Variants in ZNF682 observed in about 807,000 individuals in gnomAD.
The protein encoded by ZNF682 is zinc finger protein 682.
A neutral mutation model predicts 36.5 loss-of-function variants in ZNF682; 29 were observed. The ratio of observed to expected loss-of-function variants is 0.80; its 90% CI spans 0.59 to 1.08. The LOEUF (loss-of-function observed/expected upper bound fraction) is 1.08, where lower values mean the gene tolerates loss of function less well. Ranked by LOEUF, ZNF682 falls within the 50% of genes least tolerant of loss-of-function variation. The probability of loss-of-function intolerance (pLI) is 0.00; values close to 1 mark genes in which losing one functional copy is unlikely to be tolerated. For missense variants in ZNF682, 561 were observed against 579.7 expected (o/e 0.97, Z 0.33); for synonymous variants, 180 against 197.0 (o/e 0.91, Z 0.72).
chr19:20,013,953 A>G (rs973494612), intron 3 of ZNF682, among the ~76,000 whole-genome samples: 4 of 152,178 alleles, frequency 2.6e-5, no homozygotes, highest in Non-Finnish European at 5.9e-5. Context: ...AAAATTAGTA[A>G]TAGAAAAAAA....
intron 1 of ZNF682, chr19:20,033,429 C>G (rs1171646871): frequency 6.6e-6 from 1 of 152,426 alleles, no homozygotes; most frequent in Admixed American, 6.5e-5. Flanking sequence ...ACTGCTGCAT[C>G]TGCGCTCCAG....
chr19:19,999,649 C>G (rs1224121302), downstream of ZNF682, among the ~76,000 whole-genome samples: 2 of 152,156 alleles, frequency 1.3e-5, no homozygotes, highest in East Asian at 3.9e-4. Flanking sequence ...ATTCTCCTGC[C>G]TCAGCCTTCT....
downstream of ZNF682, among the ~76,000 whole-genome samples, chr19:19,999,655 C>T (rs1257231752): frequency 2.6e-5 from 4 of 152,130 alleles, no homozygotes; most frequent in East Asian, 7.7e-4. Flanking sequence ...CTGCCTCAGC[C>T]TTCTGAGTAG....
In ZNF682 at chr19:20,025,962, G is replaced by C. The variant is rs2088427739; in HGVS notation, c.4-1586C>G. Among the ~76,000 whole-genome samples the C allele has an allele frequency of 2.0e-5, 3 of 152,180 alleles. No individual in the cohort carries two copies. The South Asian group carries it at 6.2e-4, about 31-fold the overall frequency. On this transcript the variant is annotated intron_variant, in intron 1 of 3. Transcript: ENST00000397165. Reference sequence around the variant, plus strand: ...TATTCTCTTTTCCAGAATATTCTGAGTTATTCTGGGCAATTAGTGACATCC... The same window carrying C: ...TATTCTCTTTTCCAGAATATTCTGACTTATTCTGGGCAATTAGTGACATCC...
chr19:20,035,350 C>T (rs956706366), intron 1 of ZNF682, among the ~76,000 whole-genome samples: 4 of 151,914 alleles, frequency 2.6e-5, no homozygotes, highest in South Asian at 2.1e-4. Context: ...CTCAGGCTCC[C>T]GAGTAGCTGA....
intron 1 of ZNF682, among the ~76,000 whole-genome samples, chr19:20,034,867 C>T (rs905513222): frequency 8.6e-5 from 13 of 152,030 alleles, no homozygotes; most frequent in African/African-American, 1.7e-4. Flanking sequence ...GAGGCTGAGG[C>T]GGGCAGATAG....
chr19:20,021,966 T>C (rs2088387848), intron 3 of ZNF682, among the ~76,000 whole-genome samples: 1 of 151,244 alleles, frequency 6.6e-6, no homozygotes, highest in Non-Finnish European at 1.5e-5. Context: ...AGGTCAGGAG[T>C]TCCAAATCAA....
At chr19:19,998,323 G>T (rs1178054540) in intron 3 of ZNF682, among the ~76,000 whole-genome samples, 1 of 152,190 alleles carries the variant, frequency 6.6e-6, no homozygotes, top group African/African-American at 2.4e-5. Context: ...CGCTGCAAAA[G>T]AATGTGTCAG....
Position 20,005,826 on chromosome 19 carries a change from G to A in ZNF682, c.*179C>T, listed in dbSNP as rs1458661821. On this transcript the variant is annotated 3_prime_UTR_variant, in exon 4 of 4. Coordinates refer to ENST00000397165, the MANE Select transcript of ZNF682 (RefSeq NM_033196.3). ...TTCTTTAAAATCAGAATTTTTCTCA[G>A]CATGAATTTTCTTCTGTGCAATAAG... 3.3e-6 allele frequency: 2 copies of A among 614,874 alleles called. No homozygotes were observed. The highest frequency in any genetic ancestry group is 1.8e-5 in the African/African-American group (1 of 54,076). The allele number at this position is 614,874 out of a possible 1,614,324, so 38.1% of individuals were successfully genotyped here.
rs778082712 is a variant in ZNF682 at position 20,024,202 on chromosome 19, T to A, written c.130+48A>T. The A allele has an allele frequency of 4.4e-6, 7 of 1,607,798 alleles. No individual in the cohort carries two copies. In the East Asian group the frequency reaches 1.6e-4, roughly 36 times the overall value. ...CCAAACATTCTACAGAGGAAGAAAATAAAATCTTTTGTGTGAAATAGAAAT... is the reference window on the plus strand; with the variant it reads ...CCAAACATTCTACAGAGGAAGAAAAAAAAATCTTTTGTGTGAAATAGAAAT... On this transcript the variant is annotated intron_variant, in intron 2 of 3. Coordinates refer to ENST00000397165, the MANE Select transcript of ZNF682 (RefSeq NM_033196.3).
At chr19:20,015,736 A>G (rs2088329197) in intron 3 of ZNF682, 2 of 396,960 alleles carry the variant, frequency 5.0e-6, no homozygotes, top group Non-Finnish European at 8.9e-6. Context: ...ATTCATAAAA[A>G]GCTTTGAGAA....
At chr19:20,014,698 T>C (rs1440581389) in intron 3 of ZNF682, among the ~76,000 whole-genome samples, 1 of 151,000 alleles carries the variant, frequency 6.6e-6, no homozygotes, top group Non-Finnish European at 1.5e-5. Context: ...GGGAATCGCT[T>C]GAACCTGGGA....
Position 20,006,524 on chromosome 19 carries a change from T to A in ZNF682, c.978A>T (p.Ser326=), listed in dbSNP as rs780542789. 1 of 1,614,110 alleles carries A rather than the reference T, an allele frequency of 6.2e-7. No individual in the cohort carries two copies. Among genetic ancestry groups the A allele is most frequent in the Non-Finnish European group, 8.5e-7 (1 of 1,179,996 alleles). Residue 326 remains serine, a synonymous_variant, in exon 4 of 4, where the codon TCA becomes TCT. Coordinates refer to ENST00000397165, the MANE Select transcript of ZNF682 (RefSeq NM_033196.3). Reference sequence around the variant, plus strand: ...GGGTTCTCTCATGTATAGTAAGTAGTGAGCAGTGGTTAAAGGCTTTCCCAC... The same window carrying A: ...GGGTTCTCTCATGTATAGTAAGTAGAGAGCAGTGGTTAAAGGCTTTCCCAC... ...KECGKAFNHC[S]LLTIHERTHT...
At chr19:20,023,401 G>A (rs1016643749) in intron 2 of ZNF682, among the ~76,000 whole-genome samples, 1 of 151,874 alleles carries the variant, frequency 6.6e-6, no homozygotes, top group African/African-American at 2.4e-5. Context: ...GGAGGCTGAG[G>A]GAGGAGAATC....
chr19:20,029,175 C>T (rs1474630071), intron 1 of ZNF682, among the ~76,000 whole-genome samples: 2 of 151,866 alleles, frequency 1.3e-5, no homozygotes, highest in South Asian at 2.1e-4. Flanking sequence ...GATGGGGTTT[C>T]GCCATGTTGG....
chr19:19,998,467 A>G (rs1248737388), intron 3 of ZNF682, among the ~76,000 whole-genome samples: 1 of 152,202 alleles, frequency 6.6e-6, no homozygotes, highest in Non-Finnish European at 1.5e-5. Context: ...AGATGAAGCT[A>G]GTTATCTGCT....
intron 3 of ZNF682, 143 bp downstream of exon 3, chr19:20,022,861 G>A: frequency 1.4e-6 from 1 of 732,338 alleles, no homozygotes; most frequent in East Asian, 2.5e-5. Flanking sequence ...AGATGCCTCT[G>A]TACAAGAGCA....
chr19:19,999,602 T>C (rs529241190), downstream of ZNF682, among the ~76,000 whole-genome samples: 2 of 152,236 alleles, frequency 1.3e-5, no homozygotes, highest in Admixed American at 6.5e-5. Context: ...TGGCACGATC[T>C]CGGCTCACTG....
chr19:20,003,800 C>T (rs2088187091), downstream of ZNF682, among the ~76,000 whole-genome samples: 1 of 151,764 alleles, frequency 6.6e-6, no homozygotes, highest in Admixed American at 6.6e-5. Context: ...CTAGGAACCA[C>T]AAGATTTTGA....
Sources: allele counts gnomAD v4.1 joint callset (sites outside exome capture counted in the v4.1 genomes callset), GRCh38; gene constraint gnomAD v4.1.1; transcripts MANE v1.5; gene names NCBI Gene and HGNC (gene_info 2026-07-23, HGNC 2026-07-21).